Variants in TENM2 observed in about 807,000 individuals in gnomAD.
TENM2 encodes the protein teneurin-2.
Under a neutral mutation model 245.2 loss-of-function variants are expected in TENM2, and 52 were observed. That is an observed-to-expected ratio of 0.21 (90% CI 0.17 to 0.27). The LOEUF is 0.27. TENM2 is among the 10% of genes least tolerant of loss of function. The pLI is 1.00. For missense variants in TENM2, 3,046 were observed against 3,666.8 expected (o/e 0.83, Z 4.37); for synonymous variants, 1,363 against 1,438.9 (o/e 0.95, Z 1.19).
intron 2 of TENM2, among the ~76,000 whole-genome samples, chr5:167,425,764 A>C (rs7721960): frequency 0.052 from 7,787 of 151,064 alleles, 358 homozygotes; most frequent in African/African-American, 0.12. Flanking sequence ...GCTGCTGCTG[A>C]TGATGATGAT....
In TENM2 at chr5:168,247,269, T is replaced by C. The variant is rs566209437; in HGVS notation, c.6330T>C (p.Thr2110=). Residue 2110 remains threonine (T), a synonymous_variant, in exon 27 of 29, where the codon ACT becomes ACC. Coordinates refer to ENST00000518659, the Ensembl canonical transcript of TENM2. This position sits in a 1 kb window ranked among gnomAD's most constrained non-coding sequence, Gnocchi z 7.8. ...GCATCAAGCCCGTCATAAGTGAGAC[T>C]CCCCTCCCCGTTGACCTCTACCGCT... 27 of 1,613,840 alleles carry C rather than the reference T, an allele frequency of 1.7e-5. No individual in the cohort carries two copies. The African/African-American group carries it at 2.7e-4, about 16-fold the overall frequency.
chr5:168,261,552 G>A (rs1478061701), intron 28 of TENM2, among the ~76,000 whole-genome samples: 1 of 152,230 alleles, frequency 6.6e-6, no homozygotes, highest in Non-Finnish European at 1.5e-5. Flanking sequence ...TTAACCCAAG[G>A]AAGTTAATGA....
At chr5:168,153,129 C>CA (rs1202730390) in intron 12 of TENM2, among the ~76,000 whole-genome samples, 1 of 152,098 alleles carries the variant, frequency 6.6e-6, no homozygotes, top group African/African-American at 2.4e-5. Context: ...AAAGCCTTTA[C>CA]ACTTGAGGGG....
intron 13 of TENM2, among the ~76,000 whole-genome samples, chr5:168,185,898 A>G (rs1760346403): frequency 7.2e-6 from 1 of 138,998 alleles, no homozygotes; most frequent in Admixed American, 7.6e-5. Context: ...TTGGACATAT[A>G]CTATATACCA....
chr5:167,740,534 G>C (rs993486379), intron 2 of TENM2, among the ~76,000 whole-genome samples: 1 of 152,052 alleles, frequency 6.6e-6, no homozygotes, highest in Non-Finnish European at 1.5e-5. Flanking sequence ...ATTTCCAGTG[G>C]CTTTATATCA....
intron 3 of TENM2, among the ~76,000 whole-genome samples, chr5:167,878,174 C>A (rs1773583498): frequency 6.6e-6 from 1 of 152,114 alleles, no homozygotes; most frequent in Admixed American, 6.6e-5. Flanking sequence ...CAGATTGAAA[C>A]TTGTTGATAG....
At chr5:167,675,036 C>A (rs1415206703) in intron 2 of TENM2, among the ~76,000 whole-genome samples, 1 of 152,104 alleles carries the variant, frequency 6.6e-6, no homozygotes, top group East Asian at 1.9e-4. Flanking sequence ...TTCTGTCAAA[C>A]TGATGTGCTG....
intron 24 of TENM2, 87 bp from the exon 27 acceptor site, chr5:168,227,808 T>TAA: frequency 3.6e-6 from 3 of 843,664 alleles, no homozygotes; most frequent in Non-Finnish European, 5.4e-6. Context: ...GGAAACCTAT[T>TAA]AAAAAAAAAT....
At chr5:167,392,316 T>C (rs1761805819) in intron 2 of TENM2, among the ~76,000 whole-genome samples, 1 of 152,184 alleles carries the variant, frequency 6.6e-6, no homozygotes, top group Non-Finnish European at 1.5e-5. Flanking sequence ...GCTGGTTAAA[T>C]GTTCTCTGGG....
intron 2 of TENM2, among the ~76,000 whole-genome samples, chr5:167,426,594 T>C (rs1471623584): frequency 6.6e-6 from 1 of 151,946 alleles, no homozygotes; most frequent in Non-Finnish European, 1.5e-5. Context: ...TTGGTAATGC[T>C]TCCATTTCAC....
At chr5:167,319,363 G>T (rs1234288215) in intron 1 of TENM2, among the ~76,000 whole-genome samples, 1 of 152,022 alleles carries the variant, frequency 6.6e-6, no homozygotes, top group Non-Finnish European at 1.5e-5. Context: ...TTAGTTGGGT[G>T]TATTAAATTA....
the TENM2 span, among the ~76,000 whole-genome samples, chr5:167,069,101 C>A: frequency 6.6e-4 from 101 of 152,272 alleles, 1 homozygote; most frequent in African/African-American, 2.3e-3. Flanking sequence ...TTACTAATCT[C>A]CCATTCCTCA....
chr5:167,254,408 T>C, the TENM2 span, among the ~76,000 whole-genome samples: 1 of 152,278 alleles, frequency 6.6e-6, no homozygotes, highest in Non-Finnish European at 1.5e-5. Context: ...AGATGAAATG[T>C]TAGCTCTCTA....
chr5:167,912,208 C>T (rs560516257), intron 3 of TENM2, among the ~76,000 whole-genome samples: 2 of 152,160 alleles, frequency 1.3e-5, no homozygotes, highest in South Asian at 4.1e-4. Flanking sequence ...TCTGTGAGGT[C>T]AACCTTTTCA....
intron 12 of TENM2, among the ~76,000 whole-genome samples, chr5:168,161,361 G>A (rs1010028322): frequency 6.6e-6 from 1 of 152,168 alleles, no homozygotes; most frequent in African/African-American, 2.4e-5. Flanking sequence ...ATTACTTTCT[G>A]GGGAAAAGTA....
At chr5:168,162,518 G>T in intron 12 of TENM2, 93 bp from the exon 15 acceptor site, 1 of 1,402,906 alleles carries the variant, frequency 7.1e-7, no homozygotes. Context: ...CCCAGCGGCT[G>T]CCCTGCGGCC....
chr5:168,127,017 C>T, intron 12 of TENM2, 51 bp downstream of exon 14: 1 of 1,459,134 alleles, frequency 6.9e-7, no homozygotes, highest in Non-Finnish European at 9.4e-7. Flanking sequence ...GATGGTCGCG[C>T]ATGGCAACTG....
At chr5:167,552,943 G>A (rs1773050925) in intron 2 of TENM2, among the ~76,000 whole-genome samples, 3 of 151,970 alleles carry the variant, frequency 2.0e-5, no homozygotes. Context: ...ATGAATGAAT[G>A]AATGAATAAG....
chr5:167,855,227 T>G (rs1561858500), intron 2 of TENM2, among the ~76,000 whole-genome samples: 1 of 152,064 alleles, frequency 6.6e-6, no homozygotes, highest in Admixed American at 6.6e-5. Flanking sequence ...CCCCTAGACA[T>G]CAGCATGGCT....
Sources: gnomAD v4.1 joint callset for allele counts (sites outside exome capture counted in the v4.1 genomes callset) on GRCh38, gnomAD v4.1.1 for gene constraint, Gnocchi (gnomAD v3.1) non-coding constraint, MANE v1.5 for transcripts, NCBI Gene and HGNC (gene_info 2026-07-23, HGNC 2026-07-21) for gene names.